ANKS1B: variants seen among roughly 807,000 people sequenced by gnomAD.
ANKS1B encodes the protein ankyrin repeat and sterile alpha motif domain-containing protein 1B.
A neutral mutation model predicts 148.3 loss-of-function variants in ANKS1B; 36 were observed. The ratio of observed to expected loss-of-function variants is 0.24; its 90% confidence interval spans 0.19 to 0.32. ANKS1B has a LOEUF of 0.32. ANKS1B is among the 10% of genes least tolerant of loss of function. The pLI is 1.00. For synonymous variants in ANKS1B, 542 were observed against 560.8 expected (o/e 0.97, Z 0.47); for missense variants, 1,157 against 1,542.6 (o/e 0.75, Z 4.19).
chr12:99,601,790 G>A (rs2097802104), intron 9 of ANKS1B, among the ~76,000 whole-genome samples: 1 of 152,028 alleles, frequency 6.6e-6, no homozygotes, highest in Non-Finnish European at 1.5e-5. Flanking sequence ...GACAGAAAGG[G>A]TATGACCTAA....
chr12:99,622,934 C>T (rs1259580667), intron 9 of ANKS1B, among the ~76,000 whole-genome samples: 1 of 151,866 alleles, frequency 6.6e-6, no homozygotes, highest in Non-Finnish European at 1.5e-5. Flanking sequence ...CTGTCAAAGA[C>T]ACAACAATAA....
At chr12:99,814,074 A>G (rs1247341419) in intron 2 of ANKS1B, among the ~76,000 whole-genome samples, 1 of 151,682 alleles carries the variant, frequency 6.6e-6, no homozygotes, top group African/African-American at 2.4e-5. Flanking sequence ...CAGTACAGTA[A>G]CATACTGTGC....
chr12:99,769,042 C>T (rs935709323), intron 8 of ANKS1B, among the ~76,000 whole-genome samples: 9 of 151,310 alleles, frequency 5.9e-5, no homozygotes. Flanking sequence ...ACCCAATCTA[C>T]GCTAATTTGT....
chr12:99,828,088 T>G (rs1368612284), intron 1 of ANKS1B, among the ~76,000 whole-genome samples: 1 of 152,018 alleles, frequency 6.6e-6, no homozygotes, highest in Non-Finnish European at 1.5e-5. Context: ...ATCCATACAA[T>G]GGAAATAAAA....
intron 12 of ANKS1B, among the ~76,000 whole-genome samples, chr12:99,279,493 C>T (rs767266387): frequency 3.7e-4 from 56 of 152,116 alleles, no homozygotes; most frequent in Admixed American, 1.4e-3. Flanking sequence ...CCCTAGGCAA[C>T]CACTAATCCA....
chr12:98,838,870 A>G (rs900159024), intron 17 of ANKS1B, among the ~76,000 whole-genome samples: 30 of 152,174 alleles, frequency 2.0e-4, no homozygotes, highest in Admixed American at 2.0e-3. Flanking sequence ...GCAGAACTAA[A>G]ATTGCAAATA....
intron 12 of ANKS1B, among the ~76,000 whole-genome samples, chr12:99,352,560 C>T (rs1244327234): frequency 6.6e-6 from 1 of 151,990 alleles, no homozygotes; most frequent in Non-Finnish European, 1.5e-5. Flanking sequence ...GAAACTGTGC[C>T]TTAACATGCT....
intron 15 of ANKS1B, among the ~76,000 whole-genome samples, chr12:99,141,207 C>T (rs2070621945): frequency 6.6e-6 from 1 of 152,092 alleles, no homozygotes; most frequent in Non-Finnish European, 1.5e-5. Flanking sequence ...CCCTTTGCCC[C>T]ACAAGTCACC....
chr12:99,576,477 C>T (rs956636464), intron 9 of ANKS1B, among the ~76,000 whole-genome samples: 1 of 152,068 alleles, frequency 6.6e-6, no homozygotes, highest in Non-Finnish European at 1.5e-5. Context: ...CAAACACACA[C>T]TTGGCTGTAA....
At chr12:98,825,632 T>C (rs895567164) in intron 19 of ANKS1B, among the ~76,000 whole-genome samples, 2 of 152,212 alleles carry the variant, frequency 1.3e-5, no homozygotes, top group African/African-American at 4.8e-5. Flanking sequence ...CTTCTATAAA[T>C]GGCTTAACTT....
intron 14 of ANKS1B, among the ~76,000 whole-genome samples, chr12:99,186,215 C>A (rs945369395): frequency 2.0e-5 from 3 of 152,310 alleles, no homozygotes; most frequent in Non-Finnish European, 4.4e-5. Context: ...CAGGGCATCT[C>A]TGAAAGAAAG....
intron 17 of ANKS1B, among the ~76,000 whole-genome samples, chr12:99,045,370 A>G (rs896841722): frequency 6.6e-6 from 1 of 152,164 alleles, no homozygotes; most frequent in Non-Finnish European, 1.5e-5. Context: ...CCTCACAGCC[A>G]GCTCTTCCTT....
intron 17 of ANKS1B, among the ~76,000 whole-genome samples, chr12:98,892,177 T>A (rs61932189): frequency 1.3e-5 from 2 of 152,036 alleles, no homozygotes; most frequent in African/African-American, 2.4e-5. Context: ...TTGGTGTTTC[T>A]ACAGAATGTG....
chr12:99,854,043 C>T (rs1476008762), intron 1 of ANKS1B, among the ~76,000 whole-genome samples: 1 of 152,206 alleles, frequency 6.6e-6, no homozygotes, highest in East Asian at 1.9e-4. Flanking sequence ...CGGAGTCTCG[C>T]TCTGTCGCCC....
At chr12:98,757,880 T>C (rs1444886402) in intron 25 of ANKS1B, among the ~76,000 whole-genome samples, 2 of 152,090 alleles carry the variant, frequency 1.3e-5, no homozygotes, top group Non-Finnish European at 1.5e-5. Context: ...TCTGGAGTAT[T>C]GTCTACCTTA....
At chr12:98,903,228 C>A (rs4762524) in intron 17 of ANKS1B, among the ~76,000 whole-genome samples, 14,195 of 151,922 alleles carry the variant, frequency 0.093, 1,128 homozygotes, top group East Asian at 0.35. Context: ...CTGCTCAACA[C>A]CCGGTGCTCT....
intron 12 of ANKS1B, among the ~76,000 whole-genome samples, chr12:99,382,091 T>C (rs1299968158): frequency 1.3e-5 from 2 of 152,196 alleles, no homozygotes; most frequent in Non-Finnish European, 2.9e-5. Context: ...TGACTCATAG[T>C]AGAGATGAAG....
chr12:99,433,185 G>A (rs1438418114), intron 11 of ANKS1B, among the ~76,000 whole-genome samples: 1 of 151,990 alleles, frequency 6.6e-6, no homozygotes, highest in Non-Finnish European at 1.5e-5. Context: ...GAACTTTTTG[G>A]TCTCAAGATC....
At chr12:98,990,503 GA>G (rs1321694147) in intron 17 of ANKS1B, among the ~76,000 whole-genome samples, 1 of 149,246 alleles carries the variant, frequency 6.7e-6, no homozygotes, top group Non-Finnish European at 1.5e-5. Flanking sequence ...ATGGCCTGGA[GA>G]AAAGAGATGC....
Sources: gnomAD v4.1 joint callset for allele counts (sites outside exome capture counted in the v4.1 genomes callset) on GRCh38, gnomAD v4.1.1 for gene constraint, MANE v1.5 for transcripts, NCBI Gene and HGNC (gene_info 2026-07-23, HGNC 2026-07-21) for gene names.